The following CCDC91 variants were observed in gnomAD, a reference collection of about 807,000 sequenced individuals.
The protein encoded by CCDC91 is coiled-coil domain-containing protein 91.
CCDC91 carries 48 observed loss-of-function variants against 63.2 expected under a neutral mutation model. The ratio of observed to expected loss-of-function variants is 0.76; its 90% confidence interval spans 0.60 to 0.97. The LOEUF (loss-of-function observed/expected upper bound fraction) is 0.97, where lower values mean the gene tolerates loss of function less well. CCDC91 is among the 50% of genes least tolerant of loss of function. CCDC91 has a pLI of 0.00. For synonymous variants in CCDC91, 167 were observed against 165.8 expected (o/e 1.01, Z -0.06); for missense variants, 500 against 494.6 (o/e 1.01, Z -0.10).
At chr12:28,268,901 C>T (rs1185189354) in intron 3 of CCDC91, among the ~76,000 whole-genome samples, 2 of 152,132 alleles carry the variant, frequency 1.3e-5, no homozygotes, top group Non-Finnish European at 2.9e-5. Context: ...TTCCTCCCTC[C>T]CTTTACCCCT....
chr12:28,197,005 G>A (rs1355541011), intron 1 of CCDC91, among the ~76,000 whole-genome samples: 1 of 152,014 alleles, frequency 6.6e-6, no homozygotes, highest in Non-Finnish European at 1.5e-5. Flanking sequence ...TAGTAAAATT[G>A]TATTTCAGTT....
At chr12:28,202,761 A>G (rs1425277590) in intron 1 of CCDC91, among the ~76,000 whole-genome samples, 2 of 152,236 alleles carry the variant, frequency 1.3e-5, no homozygotes, top group African/African-American at 2.4e-5. Flanking sequence ...GAGCTTGGCC[A>G]TCTGGAGTTC....
chr12:28,390,401 AAT>A (rs1468266140), intron 7 of CCDC91, among the ~76,000 whole-genome samples: 1 of 152,142 alleles, frequency 6.6e-6, no homozygotes, highest in Non-Finnish European at 1.5e-5. Context: ...GACATCTAAA[AAT>A]AGAATATTTG....
intron 12 of CCDC91, among the ~76,000 whole-genome samples, chr12:28,494,954 G>A (rs1197564109): frequency 6.6e-6 from 1 of 151,760 alleles, no homozygotes; most frequent in African/African-American, 2.4e-5. Context: ...TTAAGGCCCA[G>A]TTGGGCTGGA....
chr12:28,442,626 A>G (rs1393547364), intron 8 of CCDC91, among the ~76,000 whole-genome samples: 4 of 152,116 alleles, frequency 2.6e-5, no homozygotes, highest in Non-Finnish European at 5.9e-5. Context: ...TTTCTTGTTC[A>G]CTCAGAGGGC....
At chr12:28,204,706 G>T (rs1192219808) in intron 1 of CCDC91, among the ~76,000 whole-genome samples, 1 of 152,112 alleles carries the variant, frequency 6.6e-6, no homozygotes. Flanking sequence ...TTTGTTACCA[G>T]ACAGGTGTCT....
intron 8 of CCDC91, among the ~76,000 whole-genome samples, chr12:28,416,268 A>C (rs1259809089): frequency 6.6e-6 from 1 of 152,166 alleles, no homozygotes; most frequent in Admixed American, 6.5e-5. Context: ...CATTTATATT[A>C]AATAGGTAGA....
At chr12:28,449,209 T>C (rs1042620804) in intron 8 of CCDC91, among the ~76,000 whole-genome samples, 6 of 152,042 alleles carry the variant, frequency 3.9e-5, no homozygotes, top group African/African-American at 1.4e-4. Flanking sequence ...ACTCTCAATA[T>C]AGACTGTCTC....
intron 8 of CCDC91, among the ~76,000 whole-genome samples, chr12:28,405,539 A>G (rs1946883427): frequency 6.6e-6 from 1 of 152,184 alleles, no homozygotes; most frequent in Admixed American, 6.6e-5. Context: ...CTAAAGCTCT[A>G]CTTTTTCTTT....
intron 6 of CCDC91, among the ~76,000 whole-genome samples, chr12:28,340,561 A>C (rs1037468310): frequency 6.6e-6 from 1 of 152,026 alleles, no homozygotes; most frequent in African/African-American, 2.4e-5. Context: ...TGGCTGTTTG[A>C]GTCTTTCTTA....
At chr12:28,323,454 A>G (rs1940706764) in intron 6 of CCDC91, among the ~76,000 whole-genome samples, 1 of 151,810 alleles carries the variant, frequency 6.6e-6, no homozygotes, top group Admixed American at 6.6e-5. Flanking sequence ...ATACTTAGAT[A>G]TATTCTAGAT....
chr12:28,391,159 T>C, intron 7 of CCDC91, 145 bp from the exon 8 acceptor site: 1 of 514,872 alleles, frequency 1.9e-6, no homozygotes, highest in Non-Finnish European at 3.5e-6. Context: ...TATATATAAA[T>C]GTGCTTCAGT....
At chr12:28,252,785 A>T (rs1157801457) in intron 1 of CCDC91, among the ~76,000 whole-genome samples, 4 of 151,486 alleles carry the variant, frequency 2.6e-5, no homozygotes, top group Non-Finnish European at 4.4e-5. Flanking sequence ...TGCTTTCTTC[A>T]TCTCTTTGGT....
At chr12:28,345,964 A>G (rs1484841195) in intron 6 of CCDC91, among the ~76,000 whole-genome samples, 2 of 152,058 alleles carry the variant, frequency 1.3e-5, no homozygotes, top group African/African-American at 4.8e-5. Context: ...ACAACTTTTT[A>G]TCTTTAAATG....
chr12:28,376,237 T>A (rs917294983), intron 7 of CCDC91, among the ~76,000 whole-genome samples: 1 of 151,854 alleles, frequency 6.6e-6, no homozygotes, highest in African/African-American at 2.4e-5. Context: ...ATTTTTCTAA[T>A]TTTTGTTATT....
In CCDC91 at chr12:28,415,655, GAT is replaced by G. The variant is rs1200181028; in HGVS notation, c.762+24251_762+24252del. ...ATATAGCCTTTATTTAACTAATAAA[GAT>G]ATATATTTGTGTGTGTGTGTGTGTG... On this transcript the variant is annotated intron_variant, in intron 8 of 12. Transcript: ENST00000536442. Among the ~76,000 whole-genome samples, 51 of 98,564 alleles carry G rather than the reference GAT, an allele frequency of 5.2e-4. No individual in the cohort carries two copies. In the East Asian group the frequency reaches 0.015, roughly 29 times the overall value. The allele number at this position is 98,564 out of a possible 152,430, so 64.7% of individuals were successfully genotyped here.
chr12:28,501,843 T>A (rs1380353178), intron 12 of CCDC91, among the ~76,000 whole-genome samples: 1 of 151,246 alleles, frequency 6.6e-6, no homozygotes, highest in African/African-American at 2.4e-5. Context: ...TCCTGGACTC[T>A]TTTTGGTTGG....
At chr12:28,351,676 C>CTT (rs539085210) in intron 6 of CCDC91, among the ~76,000 whole-genome samples, 7 of 145,634 alleles carry the variant, frequency 4.8e-5, no homozygotes, top group Non-Finnish European at 4.5e-5. Flanking sequence ...GTCATTCCTC[C>CTT]TTTTTTTTTT....
intron 3 of CCDC91, among the ~76,000 whole-genome samples, chr12:28,281,855 T>G (rs1443919275): frequency 2.0e-5 from 3 of 152,162 alleles, no homozygotes; most frequent in African/African-American, 7.2e-5. Flanking sequence ...ACATACTTTT[T>G]TGGTTTGACT....
Sources: gnomAD v4.1 joint callset for allele counts (sites outside exome capture counted in the v4.1 genomes callset) on GRCh38, gnomAD v4.1.1 for gene constraint, MANE v1.5 for transcripts, NCBI Gene and HGNC (gene_info 2026-07-23, HGNC 2026-07-21) for gene names.